Variants in PSEN2 observed in about 807,000 individuals in gnomAD.
The protein encoded by PSEN2 is presenilin 2, also known as presenilin-2.
Under a neutral mutation model 49.1 loss-of-function variants are expected in PSEN2, and 32 were observed. The ratio of observed to expected loss-of-function variants is 0.65; its 90% confidence interval spans 0.49 to 0.88. The LOEUF (loss-of-function observed/expected upper bound fraction) is 0.88, where lower values mean the gene tolerates loss of function less well. Among genes scored for constraint, PSEN2 ranks in the 40% least tolerant of loss-of-function variants. PSEN2 has a pLI of 0.00. For missense variants in PSEN2, 522 were observed against 586.9 expected, an observed-to-expected ratio of 0.89 and a Z score of 1.14; for synonymous variants, 255 against 244.0, an observed-to-expected ratio of 1.05 and a Z score of -0.42.
intron 7 of PSEN2, among the ~76,000 whole-genome samples, chr1:226,888,544 A>T (rs1558149230): frequency 6.6e-6 from 1 of 152,176 alleles, no homozygotes; most frequent in African/African-American, 2.4e-5. Flanking sequence ...TATCAGCCTG[A>T]CCCAGGGGCC....
chr1:226,881,270 G>T (rs1458465575), intron 3 of PSEN2, among the ~76,000 whole-genome samples: 1 of 152,092 alleles, frequency 6.6e-6, no homozygotes, highest in East Asian at 1.9e-4. Context: ...CCTTAACATG[G>T]TGCCTGAGAC....
At chr1:226,879,639 C>T (rs1660853205) in intron 3 of PSEN2, among the ~76,000 whole-genome samples, 1 of 152,178 alleles carries the variant, frequency 6.6e-6, no homozygotes, top group Non-Finnish European at 1.5e-5. Flanking sequence ...CAGAATGAGC[C>T]CCCTCCTCCA....
rs1245903256 is a variant in PSEN2 at position 226,895,078 on chromosome 1, A to G, written c.1192-346A>G. 2.0e-5 allele frequency among the ~76,000 whole-genome samples: 3 copies of G among 152,082 alleles called. No individual in the cohort carries two copies. In the East Asian group the frequency reaches 5.8e-4, roughly 29 times the overall value. On this transcript the variant is annotated intron_variant, in intron 12 of 12. Transcript: ENST00000366783. Reference sequence around the variant, plus strand: ...ACTGCCATTTCAGTTGAGCCCACCTAGCTCTCATATAAATACATGTTCCCT... The same window carrying G: ...ACTGCCATTTCAGTTGAGCCCACCTGGCTCTCATATAAATACATGTTCCCT...
chr1:226,872,142 G>A (rs1660340261), intron 2 of PSEN2, among the ~76,000 whole-genome samples: 1 of 152,216 alleles, frequency 6.6e-6, no homozygotes, highest in African/African-American at 2.4e-5. Context: ...GCTAGGGGCT[G>A]CTGCTGGGGT....
chr1:226,901,563 A>C (rs1662322306), downstream of PSEN2, among the ~76,000 whole-genome samples: 1 of 152,198 alleles, frequency 6.6e-6, no homozygotes, highest in Non-Finnish European at 1.5e-5. Context: ...CTCTGCCAAA[A>C]ATAAAAAATA....
intron 2 of PSEN2, among the ~76,000 whole-genome samples, chr1:226,873,417 A>G (rs1253256638): frequency 2.0e-5 from 3 of 151,890 alleles, no homozygotes; most frequent in African/African-American, 7.3e-5. Context: ...AAAATTAGGG[A>G]AAAAAAATTT....
chr1:226,888,862 C>T lies in PSEN2; in HGVS notation c.600C>T (p.Asp200=). The T allele has an allele frequency of 6.2e-7, 1 of 1,614,208 alleles. No individual in the cohort carries two copies. The highest frequency in any genetic ancestry group is 8.5e-7 in the Non-Finnish European group (1 of 1,180,042). ...TCAAGACCTACAATGTGGCCATGGA[C>T]TACCCCACCCTCTTGCTGACTGTCT... ...EVLKTYNVAM[D]YPTLLLTVWN... Residue 200 remains aspartate, a synonymous_variant, in exon 8 of 13, where the codon GAC becomes GAT. Coordinates refer to ENST00000366783, the MANE Select transcript of PSEN2 (RefSeq NM_000447.3).
intron 11 of PSEN2, among the ~76,000 whole-genome samples, chr1:226,892,677 A>C (rs965734081): frequency 6.6e-6 from 1 of 152,096 alleles, no homozygotes; most frequent in African/African-American, 2.4e-5. Context: ...CGCACCCTCC[A>C]GGCAGGCTTG....
chr1:226,883,926 T>TG lies in PSEN2; in HGVS notation c.356+13dup. ...CAGAGAAGAATGGACAGCTGTGAGT[T>TG]GGGGGGCTGGGGGGAGCAGGGTGGG... On this transcript the variant is annotated splice_region_variant and intron_variant, in intron 5 of 12. Transcript: ENST00000366783. 3.0e-6 allele frequency: 2 copies of TG among 663,688 alleles called. No homozygotes were observed. Among genetic ancestry groups the TG allele is most frequent in the Admixed American group, 4.5e-5 (1 of 22,334 alleles). 41.1% of individuals were successfully genotyped at this position (663,688 alleles called of 1,614,324 possible).
intron 7 of PSEN2, among the ~76,000 whole-genome samples, 184 bp downstream of exon 7, chr1:226,888,342 G>T (rs183504909): frequency 6.6e-6 from 1 of 152,272 alleles, no homozygotes; most frequent in Admixed American, 6.5e-5. Flanking sequence ...GGGAGTGGAA[G>T]TGGGGCTGCA....
At chr1:226,893,899 G>A in intron 11 of PSEN2, 108 bp from the exon 12 acceptor site, 1 of 934,700 alleles carries the variant, frequency 1.1e-6, no homozygotes, top group African/African-American at 1.6e-5. Context: ...GCCAGGTGGG[G>A]TGGGCTGGGC....
At chr1:226,873,707 C>T (rs768740574) in intron 2 of PSEN2, among the ~76,000 whole-genome samples, 1 of 152,190 alleles carries the variant, frequency 6.6e-6, no homozygotes, top group Non-Finnish European at 1.5e-5. Flanking sequence ...TAAGCCATTG[C>T]GCTGGGCTGA....
rs1553268799 is a variant in PSEN2 at position 226,890,134 on chromosome 1, GTGA to G, written c.886+2_886+4del. ...ATATTCCCTGCCCTGATATACTCAT[GTGA>G]GTGAGCCCCCCGTGCCTCTGCCTGA... On this transcript the variant is annotated splice_donor_variant and splice_donor_region_variant and intron_variant, in intron 9 of 12. Transcript: ENST00000366783. LOFTEE classifies it high-confidence loss of function. 6.2e-7 allele frequency: 1 copy of G among 1,610,060 alleles called. No homozygotes were observed.
In PSEN2 at chr1:226,895,812, A is replaced by T. The variant is rs1389812152; in HGVS notation, c.*233A>T. ...TCGCTTCACGGACAGGAAGCACAGC[A>T]GGTTTATCCAGATGAACTGAGAAGG... is the stretch of plus-strand genomic sequence containing the variant. On this transcript the variant is annotated 3_prime_UTR_variant, in exon 13 of 13. Transcript: ENST00000366783. The T allele has an allele frequency of 3.5e-6, 2 of 578,556 alleles. No homozygotes were observed. Among genetic ancestry groups the T allele is most frequent in the Non-Finnish European group, 6.1e-6 (2 of 325,774 alleles). 35.8% of individuals were successfully genotyped at this position (578,556 alleles called of 1,614,324 possible). A position where few individuals can be genotyped will look rare whatever the true frequency, so the allele number is the denominator to read the frequency against.
Position 226,883,911 on chromosome 1 carries a change from T to G in PSEN2, c.348T>G (p.Asn116Lys), listed in dbSNP as rs201119121. The part of the protein sequence containing the change: ...IKSVRFYTEK[N>K]GQLIYTPFTE... ...CTGTGCGCTTCTACACAGAGAAGAA[T>G]GGACAGCTGTGAGTTGGGGGGCTGG... The change falls in exon 5 of 13, where the codon AAT (asparagine) becomes AAG (lysine). Residue 116 changes from asparagine (N) to lysine (K), a missense_variant. Transcript: ENST00000366783. The G allele has an allele frequency of 1.5e-6, 2 of 1,322,066 alleles. No homozygotes were observed. Among genetic ancestry groups the G allele is most frequent in the East Asian group, 4.8e-5 (1 of 21,012 alleles). 81.9% of individuals were successfully genotyped at this position (1,322,066 alleles called of 1,614,324 possible).
chr1:226,892,202 G>T (rs1181221729), intron 11 of PSEN2, among the ~76,000 whole-genome samples: 1 of 152,180 alleles, frequency 6.6e-6, no homozygotes, highest in East Asian at 1.9e-4. Flanking sequence ...AGCATGCCAC[G>T]GGGCTTCTTG....
chr1:226,895,414 T>C lies in PSEN2; in HGVS notation c.1192-10T>C, dbSNP rs1662075241. 1.2e-6 allele frequency: 2 copies of C among 1,613,824 alleles called. No homozygotes were observed. Among genetic ancestry groups the C allele is most frequent in the Non-Finnish European group, 1.7e-6 (2 of 1,179,960 alleles). On this transcript the variant is annotated splice_polypyrimidine_tract_variant and intron_variant, in intron 12 of 12. Coordinates refer to ENST00000366783, the MANE Select transcript of PSEN2 (RefSeq NM_000447.3). ...ATCACCACGCTCACCCTCCCCTCCATGTCCTGCAGGGCTTGTGTCTGACCC... is the reference window on the plus strand; with the variant it reads ...ATCACCACGCTCACCCTCCCCTCCACGTCCTGCAGGGCTTGTGTCTGACCC...
chr1:226,895,181 C>T (rs1372396583), intron 12 of PSEN2, among the ~76,000 whole-genome samples: 1 of 152,212 alleles, frequency 6.6e-6, no homozygotes, highest in Non-Finnish European at 1.5e-5. Context: ...AGCACTGCTC[C>T]AGGAGTCAGG....
At chr1:226,880,752 C>T (rs956474653) in intron 3 of PSEN2, 27 of 1,612,402 alleles carry the variant, frequency 1.7e-5, no homozygotes, top group African/African-American at 2.7e-5. Flanking sequence ...CTTGGTACTA[C>T]TGTGTGAAAC....
Sources: allele counts gnomAD v4.1 joint callset (sites outside exome capture counted in the v4.1 genomes callset), GRCh38; gene constraint gnomAD v4.1.1; transcripts MANE v1.5; gene names NCBI Gene and HGNC (gene_info 2026-07-23, HGNC 2026-07-21).